Variants in MRTFB observed in about 807,000 individuals in gnomAD.
MRTFB encodes myocardin-related transcription factor B.
A neutral mutation model predicts 104.2 loss-of-function variants in MRTFB; 29 were observed. The ratio of observed to expected loss-of-function variants is 0.28; its 90% CI spans 0.21 to 0.38. MRTFB has a LOEUF of 0.38. Ranked by LOEUF, MRTFB falls within the 10% of genes least tolerant of loss-of-function variation. MRTFB has a pLI of 1.00. For missense variants in MRTFB, 1,270 were observed against 1,341.6 expected (o/e 0.95, Z 0.83); for synonymous variants, 535 against 519.5 (o/e 1.03, Z -0.41).
chr16:14,261,322 G>A lies in MRTFB; in HGVS notation c.3178G>A (p.Glu1060Lys). ...DLSDSNLDNM[E>K]WLDITMPNSS... ...GTCAGACTCAAACTTGGACAACATG[G>A]AGTGGTTGGACATTACCATGCCCAA... The change falls in exon 17 of 17, where the codon GAG becomes AAG. Residue 1060 changes from glutamate to lysine, a missense_variant. By Grantham distance (56) the Glu-to-Lys change is moderately conservative (BLOSUM62 1). Transcript: ENST00000571589. 1 of 1,614,024 alleles carries A rather than the reference G, an allele frequency of 6.2e-7. No homozygotes were observed. Among genetic ancestry groups the A allele is most frequent in the South Asian group, 1.1e-5 (1 of 91,052 alleles).
At chr16:14,063,079 G>A in the MRTFB span, among the ~76,000 whole-genome samples, 1 of 152,176 alleles carries the variant, frequency 6.6e-6, no homozygotes, top group Admixed American at 6.5e-5. Flanking sequence ...TTTCCTCAAA[G>A]ACAGATAGGT....
chr16:14,258,086 T>A lies in MRTFB; in HGVS notation c.2704-15T>A, dbSNP rs762961101. ...TGTATGAAAGAAACCTAATTTGTAC[T>A]CTCCTTCATTGTAGATTTCCAACGC... On this transcript the variant is annotated splice_polypyrimidine_tract_variant and intron_variant, in intron 15 of 16. Coordinates refer to ENST00000571589, the MANE Select transcript of MRTFB (RefSeq NM_001308142.2). 1 of 1,611,800 alleles carries A rather than the reference T, an allele frequency of 6.2e-7. No homozygotes were observed. The highest frequency in any genetic ancestry group is 1.1e-5 in the South Asian group (1 of 90,992).
At chr16:14,070,497 AAGG>A (rs1178038203), upstream of MRTFB, among the ~76,000 whole-genome samples, 8 of 152,312 alleles carry the variant, frequency 5.3e-5, no homozygotes, top group East Asian at 9.6e-4. Flanking sequence ...CCACCAGTCT[AAGG>A]AGGAGACAGA....
rs1180930910 is a variant in MRTFB at position 14,252,405 on chromosome 16, A to G, written c.2606A>G (p.His869Arg). ...CCACCCCAGCAATTTGTCGTCCAGC[A>G]CTCTCTATTTGGGAGTCCAGTCGCC... ...PPPPQQFVVQ[H>R]SLFGSPVAKT... The change falls in exon 15 of 17, where the codon CAC becomes CGC. Residue 869 changes from histidine (H) to arginine (R), a missense_variant. His to Arg is a conservative substitution (Grantham distance 29). Transcript: ENST00000571589. 2.5e-6 allele frequency: 4 copies of G among 1,613,332 alleles called. No individual in the cohort carries two copies. The highest frequency in any genetic ancestry group is 3.4e-6 in the Non-Finnish European group (4 of 1,179,852).
chr16:14,176,549 T>C (rs539650229), intron 3 of MRTFB, among the ~76,000 whole-genome samples: 44 of 152,336 alleles, frequency 2.9e-4, no homozygotes, highest in African/African-American at 1.0e-3. Flanking sequence ...AGTGAATTTA[T>C]TATATACAGT....
chr16:14,202,019 T>C (rs918420466), intron 3 of MRTFB, among the ~76,000 whole-genome samples: 3 of 152,078 alleles, frequency 2.0e-5, no homozygotes, highest in African/African-American at 7.2e-5. Flanking sequence ...GTTAAAATAG[T>C]TTTTAAGATT....
intron 11 of MRTFB, 61 bp from the exon 12 acceptor site, chr16:14,246,412 C>A: frequency 6.5e-7 from 1 of 1,535,604 alleles, no homozygotes; most frequent in South Asian, 1.2e-5. Context: ...ATCACAAAAG[C>A]GTACTGTAGA....
the MRTFB span, among the ~76,000 whole-genome samples, chr16:14,042,900 C>T: frequency 1.2e-4 from 18 of 152,156 alleles, no homozygotes; most frequent in African/African-American, 4.3e-4. Context: ...GGCCTGGATG[C>T]TTTCCACTGG....
intron 5 of MRTFB, among the ~76,000 whole-genome samples, 167 bp downstream of exon 5, chr16:14,212,576 C>T (rs941230844): frequency 3.3e-5 from 5 of 152,142 alleles, no homozygotes; most frequent in Admixed American, 2.6e-4. Flanking sequence ...ATAGTTTGAT[C>T]TGGAGGTTTG....
chr16:14,073,501 G>T (rs541299387), intron 1 of MRTFB, among the ~76,000 whole-genome samples: 19 of 152,266 alleles, frequency 1.2e-4, no homozygotes, highest in African/African-American at 4.6e-4. Flanking sequence ...CTTTCTTTCA[G>T]AAGTGTCTGA....
chr16:14,050,539 G>A, the MRTFB span, among the ~76,000 whole-genome samples: 1 of 152,200 alleles, frequency 6.6e-6, no homozygotes, highest in African/African-American at 2.4e-5. Context: ...GATCTCCTGA[G>A]CCCAGGAGTT....
chr16:14,178,297 G>T (rs948414426), intron 3 of MRTFB, among the ~76,000 whole-genome samples: 5 of 152,168 alleles, frequency 3.3e-5, no homozygotes, highest in Non-Finnish European at 7.4e-5. Flanking sequence ...CAAGTTACTT[G>T]CTGAGAAAGC....
intron 1 of MRTFB, among the ~76,000 whole-genome samples, chr16:14,075,284 G>A (rs141701283): frequency 1.2e-4 from 18 of 152,314 alleles, no homozygotes; most frequent in Admixed American, 7.8e-4. Flanking sequence ...GACCCTTTGC[G>A]TACCTTCTTC....
chr16:14,078,158 A>G (rs1472208465), intron 1 of MRTFB, among the ~76,000 whole-genome samples: 1 of 152,114 alleles, frequency 6.6e-6, no homozygotes, highest in Non-Finnish European at 1.5e-5. Context: ...CAAAAACAGT[A>G]TCTGTCTCTG....
At chr16:14,036,163 A>T in the MRTFB span, among the ~76,000 whole-genome samples, 1 of 108,610 alleles carries the variant, frequency 9.2e-6, no homozygotes. Context: ...ATATTATATA[A>T]AATATATATT....
At chr16:14,111,680 C>CAAGAGGGAGGGGCTGACTAACCTGG (rs1436103296) in intron 2 of MRTFB, among the ~76,000 whole-genome samples, 1 of 152,154 alleles carries the variant, frequency 6.6e-6, no homozygotes, top group Non-Finnish European at 1.5e-5. Context: ...AAGAGGCAAA[C>CAAGAGGGAGGGGCTGACTAACCTGG]AAGAGGGAGG....
At chr16:14,047,582 G>T in the MRTFB span, among the ~76,000 whole-genome samples, 1 of 152,150 alleles carries the variant, frequency 6.6e-6, no homozygotes, top group Non-Finnish European at 1.5e-5. Flanking sequence ...ATGTGGCTGG[G>T]GAGGCCTCAC....
At chr16:14,094,794 C>T (rs147472641) in intron 2 of MRTFB, among the ~76,000 whole-genome samples, 1 of 152,314 alleles carries the variant, frequency 6.6e-6, no homozygotes, top group Non-Finnish European at 1.5e-5. Context: ...TGGCGCTCCG[C>T]TGCACTCCAG....
In MRTFB at chr16:14,177,597, G is replaced by A. The variant is rs2039624310; in HGVS notation, c.155-32646G>A. Among the ~76,000 whole-genome samples the A allele has an allele frequency of 6.6e-6, 1 of 152,178 alleles. No individual in the cohort carries two copies. ...TTAGGCACTTTGGGAGGCCACAGCA[G>A]GAGGATTGCTTCAGCCCAGGAGTTC... On this transcript the variant is annotated intron_variant, in intron 3 of 16. Coordinates refer to ENST00000571589, the MANE Select transcript of MRTFB (RefSeq NM_001308142.2). This position sits in a 1 kb window ranked among gnomAD's most constrained non-coding sequence, Gnocchi z 4.7.
Sources: gnomAD v4.1 joint callset for allele counts (sites outside exome capture counted in the v4.1 genomes callset) on GRCh38, gnomAD v4.1.1 for gene constraint, Gnocchi (gnomAD v3.1) non-coding constraint, MANE v1.5 for transcripts, NCBI Gene and HGNC (gene_info 2026-07-23, HGNC 2026-07-21) for gene names.